CDKAL1: variants seen among roughly 807,000 people sequenced by gnomAD.
The protein encoded by CDKAL1 is CDKAL1 threonylcarbamoyladenosine tRNA methylthiotransferase.
CDKAL1 carries 32 observed loss-of-function variants against 68.2 expected under a neutral mutation model. The observed-to-expected ratio is 0.47, with a 90% CI of 0.35 to 0.63. The LOEUF (loss-of-function observed/expected upper bound fraction) is 0.63. Ranked by LOEUF, CDKAL1 falls within the 30% of genes least tolerant of loss-of-function variation. The pLI, the probability that CDKAL1 is intolerant of heterozygous loss-of-function variation, is 0.00. For synonymous variants in CDKAL1, 234 were observed against 244.3 expected, an observed-to-expected ratio of 0.96 and a Z score of 0.39; for missense variants, 606 against 696.7, an observed-to-expected ratio of 0.87 and a Z score of 1.47.
intron 8 of CDKAL1, among the ~76,000 whole-genome samples, chr6:20,813,193 C>G (rs1307758405): frequency 6.6e-6 from 1 of 152,164 alleles, no homozygotes; most frequent in African/African-American, 2.4e-5. Flanking sequence ...GTGATCTCCC[C>G]ACTTTGGCCT....
chr6:21,058,971 T>C (rs984543607), intron 11 of CDKAL1, among the ~76,000 whole-genome samples: 2 of 152,146 alleles, frequency 1.3e-5, no homozygotes, highest in African/African-American at 4.8e-5. Context: ...GGAATCCCCA[T>C]CATCTGGAGT....
intron 9 of CDKAL1, among the ~76,000 whole-genome samples, chr6:20,910,106 C>G (rs777070691): frequency 1.3e-5 from 2 of 152,164 alleles, no homozygotes; most frequent in Non-Finnish European, 2.9e-5. Flanking sequence ...ACTAATAGCT[C>G]TAACTGTTCC....
chr6:20,732,624 G>A (rs528039027), intron 5 of CDKAL1, among the ~76,000 whole-genome samples: 9 of 151,890 alleles, frequency 5.9e-5, no homozygotes, highest in African/African-American at 2.2e-4. Flanking sequence ...AATCATTCCC[G>A]TTGTCTGCAC....
chr6:20,840,310 A>AT (rs1324255768), intron 8 of CDKAL1, among the ~76,000 whole-genome samples: 2 of 152,144 alleles, frequency 1.3e-5, no homozygotes, highest in Admixed American at 6.5e-5. Flanking sequence ...GATTGTGATG[A>AT]TTTTTTACAG....
At chr6:21,028,293 A>G (rs1769075946) in intron 11 of CDKAL1, among the ~76,000 whole-genome samples, 1 of 152,190 alleles carries the variant, frequency 6.6e-6, no homozygotes, top group Non-Finnish European at 1.5e-5. Flanking sequence ...AACCATATAG[A>G]CATTATCTCA....
At chr6:21,112,483 G>A (rs1774171969) in intron 13 of CDKAL1, among the ~76,000 whole-genome samples, 2 of 152,152 alleles carry the variant, frequency 1.3e-5, no homozygotes, top group Non-Finnish European at 2.9e-5. Flanking sequence ...TGTGAAGTGG[G>A]CTTCTTGCTT....
intron 9 of CDKAL1, among the ~76,000 whole-genome samples, chr6:20,904,700 G>A (rs4710957): frequency 0.96 from 145,847 of 152,152 alleles, 69,913 homozygotes; most frequent in East Asian, 1. Context: ...GAGGCAGGAG[G>A]ATTGCTTGAA....
At chr6:20,816,085 T>A (rs1333280128) in intron 8 of CDKAL1, among the ~76,000 whole-genome samples, 1 of 151,580 alleles carries the variant, frequency 6.6e-6, no homozygotes, top group Non-Finnish European at 1.5e-5. Context: ...ATTCTCTGTG[T>A]CCATACTGAT....
At chr6:20,652,954 A>G (rs1371285917) in intron 5 of CDKAL1, among the ~76,000 whole-genome samples, 1 of 152,140 alleles carries the variant, frequency 6.6e-6, no homozygotes, top group Non-Finnish European at 1.5e-5. Flanking sequence ...ATGTCTTTAA[A>G]CAGTGTGTTG....
At chr6:20,974,978 C>CAAAAA (rs11330322) in intron 10 of CDKAL1, among the ~76,000 whole-genome samples, 1,605 of 62,854 alleles carry the variant, frequency 0.026, 58 homozygotes, top group African/African-American at 0.09. Flanking sequence ...GACCCTATCT[C>CAAAAA]AAAAAAAAAA....
chr6:21,110,620 T>C (rs556361389), intron 13 of CDKAL1, among the ~76,000 whole-genome samples: 1 of 152,292 alleles, frequency 6.6e-6, no homozygotes, highest in South Asian at 2.1e-4. Flanking sequence ...ATACATATAT[T>C]GTCAGTGAAA....
intron 4 of CDKAL1, among the ~76,000 whole-genome samples, chr6:20,621,159 T>C (rs1254423693): frequency 6.6e-6 from 1 of 152,192 alleles, no homozygotes; most frequent in Non-Finnish European, 1.5e-5. Flanking sequence ...GGTGGTGGTT[T>C]TTCAAAGAGC....
intron 5 of CDKAL1, among the ~76,000 whole-genome samples, chr6:20,681,477 G>A (rs1204874119): frequency 6.6e-6 from 1 of 152,174 alleles, no homozygotes; most frequent in African/African-American, 2.4e-5. Context: ...GTGTTAGGGG[G>A]CAGGTATAAA....
chr6:21,017,870 AAATTT>A (rs142114834), intron 11 of CDKAL1, among the ~76,000 whole-genome samples: 13,617 of 152,162 alleles, frequency 0.089, 780 homozygotes, highest in Middle Eastern at 0.16. Flanking sequence ...AAAATATATA[AAATTT>A]AATTTAATTC....
chr6:21,209,631 C>T (rs953524261), intron 15 of CDKAL1, among the ~76,000 whole-genome samples: 4 of 152,178 alleles, frequency 2.6e-5, no homozygotes, highest in African/African-American at 9.7e-5. Context: ...ATAATTACTC[C>T]TGTGGTTAAA....
intron 9 of CDKAL1, among the ~76,000 whole-genome samples, chr6:20,915,615 G>C (rs1762690138): frequency 6.6e-6 from 1 of 152,072 alleles, no homozygotes; most frequent in African/African-American, 2.4e-5. Context: ...CAAACAACTG[G>C]GTGCCATAGT....
At chr6:20,775,135 CATATCT>C (rs1561767197) in intron 7 of CDKAL1, among the ~76,000 whole-genome samples, 1 of 152,130 alleles carries the variant, frequency 6.6e-6, no homozygotes, top group Non-Finnish European at 1.5e-5. Context: ...ATTAAAGTTG[CATATCT>C]ATTTTAGTCA....
At chr6:20,730,627 T>G (rs1182261416) in intron 5 of CDKAL1, among the ~76,000 whole-genome samples, 1 of 151,938 alleles carries the variant, frequency 6.6e-6, no homozygotes, top group Non-Finnish European at 1.5e-5. Flanking sequence ...GGCAGATCAC[T>G]TGATGTCAGG....
chr6:20,665,335 AAAG>A (rs746831151), intron 5 of CDKAL1, among the ~76,000 whole-genome samples: 52 of 152,214 alleles, frequency 3.4e-4, no homozygotes, highest in Non-Finnish European at 6.5e-4. Context: ...ATAAGGAAAA[AAAG>A]AAAAAATTGT....
Sources: allele counts gnomAD v4.1 joint callset (sites outside exome capture counted in the v4.1 genomes callset), GRCh38; gene constraint gnomAD v4.1.1; transcripts MANE v1.5; gene names NCBI Gene and HGNC (gene_info 2026-07-23, HGNC 2026-07-21).